Variants in FAM53C observed in about 807,000 individuals in gnomAD.
FAM53C encodes protein FAM53C.
Under a neutral mutation model 34.7 loss-of-function variants are expected in FAM53C, and 10 were observed. That is an observed-to-expected ratio of 0.29 (90% confidence interval 0.18 to 0.49). The LOEUF (loss-of-function observed/expected upper bound fraction) is 0.49. FAM53C is among the 20% of genes least tolerant of loss of function. FAM53C has a pLI of 0.99. For synonymous variants in FAM53C, 203 were observed against 203.6 expected (o/e 1.00, Z 0.03); for missense variants, 442 against 515.3 (o/e 0.86, Z 1.38).
At position 138,348,804 on chromosome 5, in the gene FAM53C, TC is replaced by T. The variant is rs1174679922; in HGVS notation, c.*1846del. 6.6e-6 allele frequency: 1 copy of T among 152,232 alleles called. No individual in the cohort carries two copies. Among genetic ancestry groups the T allele is most frequent in the Non-Finnish European group, 1.5e-5 (1 of 68,072 alleles). The allele number at this position is 152,232 out of a possible 1,614,324, so 9.4% of individuals were successfully genotyped here. A position where few individuals can be genotyped will look rare whatever the true frequency, so the allele number is the denominator to read the frequency against. ...AAACTGTGAGCCCAGGAGTTGCCCA[TC>T]TATGGTTTCATTCCTCCCCTGGCTC... On this transcript the variant is annotated 3_prime_UTR_variant, in exon 5 of 5. Coordinates refer to ENST00000239906, the MANE Select transcript of FAM53C (RefSeq NM_016605.3).
chr5:138,342,398 A>G (rs1375816177), intron 3 of FAM53C: 1 of 152,572 alleles, frequency 6.6e-6, no homozygotes, highest in Non-Finnish European at 1.5e-5. Flanking sequence ...TTTTAACACA[A>G]AAGGTTGCAT....
chr5:138,344,252 TC>T (rs1761107638), intron 3 of FAM53C, among the ~76,000 whole-genome samples: 2 of 152,210 alleles, frequency 1.3e-5, no homozygotes, highest in South Asian at 4.1e-4. Flanking sequence ...TCAAAGGCCT[TC>T]CCCACCCTGT....
intron 3 of FAM53C, chr5:138,342,408 T>C (rs1174815608): frequency 1.3e-5 from 2 of 152,430 alleles, no homozygotes; most frequent in African/African-American, 4.8e-5. Flanking sequence ...AAAGGTTGCA[T>C]ACTATATATT....
intron 3 of FAM53C, among the ~76,000 whole-genome samples, chr5:138,344,590 C>T (rs1439393099): frequency 6.6e-6 from 1 of 152,230 alleles, no homozygotes; most frequent in Non-Finnish European, 1.5e-5. Flanking sequence ...CTAGCCTTCG[C>T]ATCAGACAGA....
chr5:138,342,096 G>A, intron 3 of FAM53C: 1 of 507,830 alleles, frequency 2.0e-6, no homozygotes, highest in Non-Finnish European at 3.5e-6. Flanking sequence ...TTTTTGAATA[G>A]GTAATACATT....
At chr5:138,346,655 A>G (rs971413430) in intron 4 of FAM53C, 47 bp from the exon 5 acceptor site, 8 of 1,608,066 alleles carry the variant, frequency 5.0e-6, no homozygotes, top group Middle Eastern at 1.8e-4. Flanking sequence ...CTCACCCTAA[A>G]GAATTCTTGC....
intron 3 of FAM53C, chr5:138,342,341 G>A (rs1761057087): frequency 6.5e-6 from 1 of 153,910 alleles, no homozygotes; most frequent in South Asian, 2.0e-4. Context: ...CGTTACATAG[G>A]TGTACATGTG....
chr5:138,341,921 A>T, intron 3 of FAM53C, 55 bp downstream of exon 3: 1 of 1,559,514 alleles, frequency 6.4e-7, no homozygotes, highest in South Asian at 1.1e-5. Flanking sequence ...CTCTCCACAC[A>T]TTTCTATCAT....
In FAM53C at chr5:138,345,418, T is replaced by C. The variant is rs753466980; in HGVS notation, c.730T>C (p.Phe244Leu). ...CAGTCTGGGCCCGCAGGCAAGCCGC[T>C]TCTTGCCCTCTGCCCGGAGCTCTCC... ...SPSLGPQASR[F>L]LPSARSSPAS... is the part of the protein sequence containing the mutation. Residue 244 changes from phenylalanine (F) to leucine (L), a missense_variant, in exon 4 of 5, where the codon TTC (phenylalanine) becomes CTC (leucine). Physicochemically the swap from Phe to Leu is conservative, Grantham distance 22. Coordinates refer to ENST00000239906, the MANE Select transcript of FAM53C (RefSeq NM_016605.3). This position sits in a 1 kb window ranked among gnomAD's most constrained non-coding sequence, Gnocchi z 6.3. 6.2e-7 allele frequency: 1 copy of C among 1,613,906 alleles called. No individual in the cohort carries two copies. The highest frequency in any genetic ancestry group is 8.5e-7 in the Non-Finnish European group (1 of 1,180,038).
chr5:138,341,609 A>G (rs1761036107), intron 2 of FAM53C, 196 bp downstream of exon 2: 1 of 732,924 alleles, frequency 1.4e-6, no homozygotes, highest in Non-Finnish European at 2.4e-6. Context: ...GGACAGCAAA[A>G]CTTGGGTGGA....
In FAM53C at chr5:138,344,865, T is replaced by C. The variant is rs1391292795; in HGVS notation, c.177T>C (p.Ala59=). 3 of 1,602,758 alleles carry C rather than the reference T, an allele frequency of 1.9e-6. No homozygotes were observed. The highest frequency in any genetic ancestry group is 1.7e-5 in the Admixed American group (1 of 57,918). ...GGGGCCTGCCCCACTGTTCCTGTGC[T>C]GAGTTCCAGGACAGCCTCAACTTCA... ...SWRGLPHCSC[A]EFQDSLNFSY... is the part of the protein sequence containing the mutation. The change falls in exon 4 of 5, where the codon GCT becomes GCC. Residue 59 remains alanine (A), a synonymous_variant. Coordinates refer to ENST00000239906, the MANE Select transcript of FAM53C (RefSeq NM_016605.3).
chr5:138,338,303 C>A lies in FAM53C; in HGVS notation c.-157C>A. 2 of 607,446 alleles carry A rather than the reference C, an allele frequency of 3.3e-6. No homozygotes were observed. Among genetic ancestry groups the A allele is most frequent in the Non-Finnish European group, 5.4e-6 (2 of 368,134 alleles). The allele number at this position is 607,446 out of a possible 1,614,324, so 37.6% of individuals were successfully genotyped here. On this transcript the variant is annotated 5_prime_UTR_variant, in exon 1 of 5. Transcript: ENST00000239906. ...GCCGCGGCCCTGGGAGCTGGAGGAA[C>A]CGCGGTAGGTGGTGGAGGGCAGGTG...
chr5:138,339,123 C>T (rs951291147), intron 1 of FAM53C, among the ~76,000 whole-genome samples: 1 of 152,170 alleles, frequency 6.6e-6, no homozygotes, highest in Non-Finnish European at 1.5e-5. Context: ...GAGCCCCGTG[C>T]CAGTTGTTAA....
At chr5:138,338,629 C>T (rs1203663909) in intron 1 of FAM53C, among the ~76,000 whole-genome samples, 4 of 150,922 alleles carry the variant, frequency 2.7e-5, no homozygotes, top group Non-Finnish European at 5.9e-5. Context: ...CGCCCCATGC[C>T]CCACCCCGCG....
rs781072438 is a variant in FAM53C, at chr5:138,338,287, C to T, written c.-173C>T. 11 of 818,202 alleles carry T rather than the reference C, an allele frequency of 1.3e-5. No homozygotes were observed. In the East Asian group the frequency reaches 3.2e-4, roughly 24 times the overall value. 50.7% of individuals were successfully genotyped at this position (818,202 alleles called of 1,614,324 possible). ...GCTCAGAGCTGCTCCGGCCGCGGCC[C>T]TGGGAGCTGGAGGAACCGCGGTAGG... On this transcript the variant is annotated 5_prime_UTR_variant, in exon 1 of 5. Transcript: ENST00000239906.
rs760679064 is a variant in FAM53C, at chr5:138,341,353, T to C, written c.18T>C (p.Thr6=). The C allele has an allele frequency of 5.6e-6, 9 of 1,614,128 alleles. No individual in the cohort carries two copies. The South Asian group carries it at 8.8e-5, about 16-fold the overall frequency. The change falls in exon 2 of 5, where the codon ACT becomes ACC. Residue 6 remains threonine (T), a synonymous_variant. Coordinates refer to ENST00000239906, the MANE Select transcript of FAM53C (RefSeq NM_016605.3). The stretch of plus-strand genomic sequence containing the variant: ...GGAGAATCATGATAACCCTGATCAC[T>C]GAGCAGCTACAGAAGCAGACTCTGG... The part of the protein sequence containing the change: MITLI[T]EQLQKQTLDE...
intron 1 of FAM53C, among the ~76,000 whole-genome samples, chr5:138,339,223 G>C (rs949198490): frequency 3.3e-5 from 5 of 152,228 alleles, no homozygotes; most frequent in African/African-American, 1.2e-4. Flanking sequence ...GGCGGCAAGA[G>C]AGGGCTTCTT....
chr5:138,338,081 G>C, upstream of FAM53C: 2 of 1,289,788 alleles, frequency 1.6e-6, no homozygotes, highest in Non-Finnish European at 2.0e-6. Context: ...CTAAATCAAA[G>C]CGCCAGGCTC....
chr5:138,338,776 C>T (rs1471824050), intron 1 of FAM53C, among the ~76,000 whole-genome samples: 1 of 151,822 alleles, frequency 6.6e-6, no homozygotes, highest in Admixed American at 6.6e-5. Context: ...GAAGAGCAGG[C>T]AGATCTCCAC....
Sources: allele counts gnomAD v4.1 joint callset (sites outside exome capture counted in the v4.1 genomes callset), GRCh38; gene constraint gnomAD v4.1.1; non-coding constraint Gnocchi (gnomAD v3.1); transcripts MANE v1.5; gene names NCBI Gene and HGNC (gene_info 2026-07-23, HGNC 2026-07-21).